SZT2: variants seen among roughly 807,000 people sequenced by gnomAD.
The protein encoded by SZT2 is SZT2 subunit of KICSTOR complex, also known as KICSTOR complex protein SZT2.
In SZT2, 216 loss-of-function variants were observed where a neutral mutation model predicts 404.2. The ratio of observed to expected loss-of-function variants is 0.53; its 90% CI spans 0.48 to 0.60. The LOEUF is 0.60. Among genes scored for constraint, SZT2 ranks in the 20% least tolerant of loss-of-function variants. The pLI, the probability that SZT2 is intolerant of heterozygous loss-of-function variation, is 0.00. For missense variants in SZT2, 3,857 were observed against 4,459.2 expected (o/e 0.86, Z 3.85); for synonymous variants, 1,693 against 1,749.9 (o/e 0.97, Z 0.81).
chr1:43,450,261 A>G lies in SZT2; in HGVS notation c.10156-76A>G. On this transcript the variant is annotated intron_variant, in intron 71 of 71. Coordinates refer to ENST00000634258, the MANE Select transcript of SZT2 (RefSeq NM_001365999.1). This position sits in a 1 kb window ranked among gnomAD's most constrained non-coding sequence, Gnocchi z 4.3. ...GGAGCCTGCTGAGGTTGGGGTGCCC[A>G]CCCTTTCTGAGCCCTGCCTCCTATC... 1 of 1,613,352 alleles carries G rather than the reference A, an allele frequency of 6.2e-7. No homozygotes were observed. Among genetic ancestry groups the G allele is most frequent in the Non-Finnish European group, 8.5e-7 (1 of 1,179,552 alleles).
chr1:43,447,755 C>T, intron 67 of SZT2, 57 bp downstream of exon 67: 1 of 1,610,464 alleles, frequency 6.2e-7, no homozygotes, highest in East Asian at 2.2e-5. Flanking sequence ...TTGGGACATA[C>T]TTGCAGTAGG....
intron 4 of SZT2, among the ~76,000 whole-genome samples, chr1:43,414,825 G>C (rs1056985935): frequency 2.6e-5 from 4 of 152,206 alleles, no homozygotes; most frequent in African/African-American, 9.6e-5. Context: ...TGGGGGGTTG[G>C]GGAAGCCCAG....
In SZT2 at chr1:43,430,088, A is replaced by T. The variant is rs773112368; in HGVS notation, c.4386A>T (p.Pro1462=). The T allele has an allele frequency of 6.2e-7, 1 of 1,613,940 alleles. No homozygotes were observed. Residue 1462 remains proline, a synonymous_variant, in exon 30 of 72, where the codon CCA becomes CCT. Coordinates refer to ENST00000634258, the MANE Select transcript of SZT2 (RefSeq NM_001365999.1). ...CCCACTACTTCTTCTATTGCCCTCC[A>T]TCCAGCAGGCGAGAAGTGAGTGGCT... is the stretch of plus-strand genomic sequence containing the variant. ...SNPHYFFYCP[P]SSRREDEGPR...
At chr1:43,430,475 C>A (rs1272443599) in intron 31 of SZT2, 21 bp from the exon 32 acceptor site, 1 of 1,610,724 alleles carries the variant, frequency 6.2e-7, no homozygotes. Context: ...CTCTCATTGA[C>A]CATGTGACAT....
At chr1:43,429,930 A>G in intron 29 of SZT2, 81 bp from the exon 30 acceptor site, 2 of 1,612,424 alleles carry the variant, frequency 1.2e-6, no homozygotes, top group Non-Finnish European at 8.5e-7. Flanking sequence ...GGGGGTATGC[A>G]TGTGTCCTGC....
At chr1:43,395,413 C>T (rs1461327868) in intron 1 of SZT2, among the ~76,000 whole-genome samples, 2 of 152,130 alleles carry the variant, frequency 1.3e-5, no homozygotes, top group Non-Finnish European at 2.9e-5. Flanking sequence ...ACCCTCCCAC[C>T]TTAGTCTCCT....
At chr1:43,404,137 G>T (rs1320596785) in intron 3 of SZT2, 1 of 533,724 alleles carries the variant, frequency 1.9e-6, no homozygotes, top group Non-Finnish European at 3.3e-6. Context: ...AGCCCAGGAG[G>T]TCGAGGCTAC....
In SZT2 at chr1:43,431,528, GCCC is replaced by G. The variant is rs772879744; in HGVS notation, c.5088+9_5088+11del. 1 of 1,614,024 alleles carries G rather than the reference GCCC, an allele frequency of 6.2e-7. No individual in the cohort carries two copies. Among genetic ancestry groups the G allele is most frequent in the Non-Finnish European group, 8.5e-7 (1 of 1,179,980 alleles). On this transcript the variant is annotated splice_donor_region_variant and intron_variant, in intron 35 of 71. Transcript: ENST00000634258. Reference sequence around the variant, plus strand: ...ATTGAGACCACCATGAATGAGGTGAGCCCCCCACCCCCAACACTGTAACTGATT... The same window carrying G: ...ATTGAGACCACCATGAATGAGGTGAGCCCACCCCCAACACTGTAACTGATT...
intron 40 of SZT2, among the ~76,000 whole-genome samples, chr1:43,434,166 G>A (rs866915484): frequency 1.3e-5 from 2 of 152,124 alleles, no homozygotes; most frequent in African/African-American, 2.4e-5. Flanking sequence ...GTGGAGCCTC[G>A]GCATCCAGAA....
rs752887439 is a variant in SZT2, at chr1:43,453,724, C to T, written c.*3244C>T. 2 of 1,391,714 alleles carry T rather than the reference C, an allele frequency of 1.4e-6. No individual in the cohort carries two copies. Among genetic ancestry groups the T allele is most frequent in the Non-Finnish European group, 1.8e-6 (2 of 1,084,400 alleles). 86.2% of individuals were successfully genotyped at this position (1,391,714 alleles called of 1,614,324 possible). A position where few individuals can be genotyped will look rare whatever the true frequency, so the allele number is the denominator to read the frequency against. On this transcript the variant is annotated 3_prime_UTR_variant, in exon 72 of 72. Coordinates refer to ENST00000634258, the MANE Select transcript of SZT2 (RefSeq NM_001365999.1). ...AAGCCCGAGCTGCCCGCGGCCCGCA[C>T]CCGCGCGGGGAGGCCGGAGAGCTCG...
At chr1:43,428,853 C>T (rs2153933608) in intron 28 of SZT2, 1 of 244,058 alleles carries the variant, frequency 4.1e-6, no homozygotes, top group Middle Eastern at 1.5e-3. Context: ...GTATTTTGCT[C>T]ACTGCTAAGT....
chr1:43,402,814 G>A (rs1649837982), intron 1 of SZT2, among the ~76,000 whole-genome samples: 1 of 152,166 alleles, frequency 6.6e-6, no homozygotes, highest in Non-Finnish European at 1.5e-5. Flanking sequence ...TTAGGGACTT[G>A]TCCTGGTATT....
rs111227668 is a variant in SZT2, at chr1:43,424,038, C to T, written c.2256-179C>T. Among the ~76,000 whole-genome samples, 1 of 143,210 alleles carries T rather than the reference C, an allele frequency of 7.0e-6. No homozygotes were observed. Among genetic ancestry groups the T allele is most frequent in the South Asian group, 2.3e-4 (1 of 4,364 alleles). 94.0% of individuals were successfully genotyped at this position (143,210 alleles called of 152,430 possible). A position where few individuals can be genotyped will look rare whatever the true frequency, so the allele number is the denominator to read the frequency against. ...TGAGTGGTACAGAGGTGTGGAAGGGCGTGGCTTAGCCGGGTATGAGTGGTA... is the reference window on the plus strand; with the variant it reads ...TGAGTGGTACAGAGGTGTGGAAGGGTGTGGCTTAGCCGGGTATGAGTGGTA... On this transcript the variant is annotated intron_variant, in intron 15 of 71. Coordinates refer to ENST00000634258, the MANE Select transcript of SZT2 (RefSeq NM_001365999.1). This position sits in a 1 kb window ranked among gnomAD's most constrained non-coding sequence, Gnocchi z 4.1.
Position 43,453,691 on chromosome 1 carries a change from C to A in SZT2, c.*3211C>A. ...TCCGCGTACGGCCAGGCCACCTCGA[C>A]GGCCTCGAAGCCCGAGCTGCCCGCG... On this transcript the variant is annotated 3_prime_UTR_variant, in exon 72 of 72. Coordinates refer to ENST00000634258, the MANE Select transcript of SZT2 (RefSeq NM_001365999.1). The A allele has an allele frequency of 6.9e-7, 1 of 1,452,386 alleles. No homozygotes were observed. The highest frequency in any genetic ancestry group is 9.0e-7 in the Non-Finnish European group (1 of 1,112,072). The allele number at this position is 1,452,386 out of a possible 1,614,324, so 90.0% of individuals were successfully genotyped here.
rs761871479 is a variant in SZT2, at chr1:43,442,592, T to C, written c.8125T>C (p.Leu2709=). The change falls in exon 58 of 72, where the codon TTG becomes CTG. Residue 2709 remains leucine, a synonymous_variant. Transcript: ENST00000634258. The surrounding 1 kb of genome is among the most constrained non-coding windows in gnomAD (Gnocchi z 4.5). Reference sequence around the variant, plus strand: ...TGGCCTCTTCCATCATTATGGCCAGTTGGACTTCCCCGTGCGAGATGAAAA... The same window carrying C: ...TGGCCTCTTCCATCATTATGGCCAGCTGGACTTCCCCGTGCGAGATGAAAA... ...KLGLFHHYGQ[L]DFPVRDEKEP... is the part of the protein sequence containing the mutation. 14 of 1,610,168 alleles carry C rather than the reference T, an allele frequency of 8.7e-6. No individual in the cohort carries two copies. The highest frequency in any genetic ancestry group is 8.4e-5 in the Admixed American group (5 of 59,832).
chr1:43,444,834 A>C (rs1473884405), intron 62 of SZT2, among the ~76,000 whole-genome samples: 1 of 152,154 alleles, frequency 6.6e-6, no homozygotes, highest in East Asian at 1.9e-4. Context: ...TCGTGTCTCC[A>C]GATTTGTGAG....
At chr1:43,397,356 G>T (rs1649113774) in intron 1 of SZT2, among the ~76,000 whole-genome samples, 2 of 151,582 alleles carry the variant, frequency 1.3e-5, no homozygotes, top group South Asian at 4.2e-4. Context: ...GAACCAAGAG[G>T]CGGAGGTTGC....
intron 7 of SZT2, among the ~76,000 whole-genome samples, chr1:43,417,962 T>C (rs2153931818): frequency 6.6e-6 from 1 of 152,350 alleles, no homozygotes; most frequent in South Asian, 2.1e-4. Context: ...AAGAAAATTT[T>C]ACTGGATCTT....
intron 1 of SZT2, among the ~76,000 whole-genome samples, chr1:43,391,430 T>A (rs2153926714): frequency 6.6e-6 from 1 of 152,216 alleles, no homozygotes; most frequent in East Asian, 1.9e-4. Flanking sequence ...ATGGTATAAG[T>A]AATAAAGTAG....
Sources: allele counts gnomAD v4.1 joint callset (sites outside exome capture counted in the v4.1 genomes callset), GRCh38; gene constraint gnomAD v4.1.1; non-coding constraint Gnocchi (gnomAD v3.1); transcripts MANE v1.5; gene names NCBI Gene and HGNC (gene_info 2026-07-23, HGNC 2026-07-21).